The following RAB11FIP4 variants were observed in gnomAD, a reference collection of about 807,000 sequenced individuals.
RAB11FIP4 encodes the protein rab11 family-interacting protein 4.
RAB11FIP4 carries 23 observed loss-of-function variants against 74.3 expected under a neutral mutation model. That is an observed-to-expected ratio of 0.31 (90% CI 0.22 to 0.44). RAB11FIP4 has a LOEUF of 0.44. Among genes scored for constraint, RAB11FIP4 ranks in the 20% least tolerant of loss-of-function variants. The pLI is 1.00. For missense variants in RAB11FIP4, 630 were observed against 863.9 expected, an observed-to-expected ratio of 0.73 and a Z score of 3.39; for synonymous variants, 360 against 359.9, an observed-to-expected ratio of 1.00 and a Z score of 0.00.
intron 3 of RAB11FIP4, among the ~76,000 whole-genome samples, chr17:31,478,571 G>A (rs907766789): frequency 1.3e-5 from 2 of 152,210 alleles, no homozygotes; most frequent in Admixed American, 1.3e-4. Flanking sequence ...TGCTATCAGA[G>A]TGGGATGGGG....
At position 31,508,297 on chromosome 17, in the gene RAB11FIP4, G is replaced by A. The variant is rs577372109; in HGVS notation, c.337-9354G>A. ...GTCTGGTCTGCATCCTAATGGGCTT[G>A]AAAACCAGATCTTACTGGCTTTTCC... On this transcript the variant is annotated intron_variant, in intron 3 of 14. Coordinates refer to ENST00000621161, the MANE Select transcript of RAB11FIP4 (RefSeq NM_032932.6). Among the ~76,000 whole-genome samples the A allele has an allele frequency of 2.0e-5, 3 of 152,296 alleles. No homozygotes were observed. In the South Asian group the frequency reaches 6.2e-4, roughly 32 times the overall value.
At position 31,434,039 on chromosome 17, in the gene RAB11FIP4, G is replaced by C; in HGVS notation, c.253G>C (p.Glu85Gln). 1 of 1,582,568 alleles carries C rather than the reference G, an allele frequency of 6.3e-7. No homozygotes were observed. Among genetic ancestry groups the C allele is most frequent in the Non-Finnish European group, 8.5e-7 (1 of 1,172,798 alleles). Residue 85 changes from glutamate to glutamine, a missense_variant, in exon 3 of 15, where the codon GAG becomes CAG. Coordinates refer to ENST00000621161, the MANE Select transcript of RAB11FIP4 (RefSeq NM_032932.6). The part of the protein sequence containing the change: ...CRGVFAMKGC[E>Q]ELLKDVLSVE... ...GTGTCTGCCTGTCTGCGCAGGGTGCGAGGAGCTGCTGAAGGATGTGCTGTC... is the reference window on the plus strand; with the variant it reads ...GTGTCTGCCTGTCTGCGCAGGGTGCCAGGAGCTGCTGAAGGATGTGCTGTC...
Position 31,536,929 on chromosome 17 carries a change from C to G in RAB11FIP4, c.*5197C>G, listed in dbSNP as rs1362686380. ...GGTTTCCCATATGACCTCCCTGCCCCGACCTCGTAGGTTGCTCCTTTCCCC... is the reference window on the plus strand; with the variant it reads ...GGTTTCCCATATGACCTCCCTGCCCGGACCTCGTAGGTTGCTCCTTTCCCC... On this transcript the variant is annotated 3_prime_UTR_variant, in exon 15 of 15. Transcript: ENST00000621161. 7 of 398,908 alleles carry G rather than the reference C, an allele frequency of 1.8e-5. No homozygotes were observed. The highest frequency in any genetic ancestry group is 3.1e-5 in the Non-Finnish European group (7 of 226,126). 24.7% of individuals were successfully genotyped at this position (398,908 alleles called of 1,614,324 possible).
chr17:31,470,193 C>A (rs12453770), intron 3 of RAB11FIP4, among the ~76,000 whole-genome samples: 29,759 of 152,142 alleles, frequency 0.2, 3,285 homozygotes, highest in African/African-American at 0.29. Context: ...GTGGTTGTGA[C>A]CTCCCTGGGG....
intron 3 of RAB11FIP4, among the ~76,000 whole-genome samples, chr17:31,511,774 G>A (rs998533421): frequency 2.0e-5 from 3 of 152,234 alleles, no homozygotes; most frequent in African/African-American, 7.2e-5. Flanking sequence ...TCTGAGGCTG[G>A]GACGGCCCCC....
At chr17:31,521,886 G>A in intron 5 of RAB11FIP4, 29 bp from the exon 6 acceptor site, 2 of 1,613,740 alleles carry the variant, frequency 1.2e-6, no homozygotes, top group Non-Finnish European at 1.7e-6. Context: ...CAGCAGTTAA[G>A]GTGGTGATTC....
intron 1 of RAB11FIP4, among the ~76,000 whole-genome samples, chr17:31,408,073 C>T (rs979203437): frequency 6.6e-6 from 1 of 152,058 alleles, no homozygotes; most frequent in Non-Finnish European, 1.5e-5. Flanking sequence ...GGCTCCTTAC[C>T]TCCCCAGCCT....
At chr17:31,392,049 CAGCCCAG>C in intron 1 of RAB11FIP4, 38 bp downstream of exon 1, 1 of 1,225,510 alleles carries the variant, frequency 8.2e-7, no homozygotes, top group Non-Finnish European at 1.0e-6. Context: ...CCGGGGACCC[CAGCCCAG>C]CCCCGCCGCC....
At chr17:31,445,046 T>G (rs1481118007) in intron 3 of RAB11FIP4, among the ~76,000 whole-genome samples, 1 of 152,134 alleles carries the variant, frequency 6.6e-6, no homozygotes, top group Non-Finnish European at 1.5e-5. Context: ...TGGTGCTTCA[T>G]GTGTCAGAGG....
At position 31,520,395 on chromosome 17, in the gene RAB11FIP4, C is replaced by T. The variant is rs939653587; in HGVS notation, c.564-771C>T. Among the ~76,000 whole-genome samples the T allele has an allele frequency of 4.6e-5, 7 of 152,002 alleles. No individual in the cohort carries two copies. In the South Asian group the frequency reaches 6.2e-4, roughly 14 times the overall value. On this transcript the variant is annotated intron_variant, in intron 4 of 14. Transcript: ENST00000621161. ...TTTATATTCATTTTCTGTATTACTC[C>T]GAATGTTTTTTTTTCCTCTCCTTAA...
intron 3 of RAB11FIP4, among the ~76,000 whole-genome samples, chr17:31,460,088 C>G (rs1220247090): frequency 6.6e-6 from 1 of 152,140 alleles, no homozygotes; most frequent in Non-Finnish European, 1.5e-5. Context: ...TGCTAAAAAG[C>G]CTGGCTGGAA....
chr17:31,445,349 A>G (rs1324814095), intron 3 of RAB11FIP4, among the ~76,000 whole-genome samples: 1 of 107,246 alleles, frequency 9.3e-6, no homozygotes, highest in Non-Finnish European at 2.2e-5. Context: ...GTGCATACAT[A>G]CTACTTTTTT....
chr17:31,445,835 C>T (rs900700918), intron 3 of RAB11FIP4, among the ~76,000 whole-genome samples: 7 of 151,278 alleles, frequency 4.6e-5, no homozygotes, highest in Non-Finnish European at 8.8e-5. Flanking sequence ...GTGATCCACC[C>T]ACCTCGGCCT....
intron 3 of RAB11FIP4, among the ~76,000 whole-genome samples, chr17:31,491,577 T>C (rs192655068): frequency 6.6e-6 from 1 of 151,956 alleles, no homozygotes; most frequent in Admixed American, 6.6e-5. Context: ...GGCCCTGAGG[T>C]GGGACGGTGG....
At chr17:31,393,068 G>A (rs771167508) in intron 1 of RAB11FIP4, among the ~76,000 whole-genome samples, 2 of 152,254 alleles carry the variant, frequency 1.3e-5, no homozygotes, top group Non-Finnish European at 2.9e-5. Flanking sequence ...TCACCAGAGA[G>A]TGGGAGGCGA....
At chr17:31,458,158 T>C (rs546457277) in intron 3 of RAB11FIP4, among the ~76,000 whole-genome samples, 1 of 152,160 alleles carries the variant, frequency 6.6e-6, no homozygotes, top group Non-Finnish European at 1.5e-5. Context: ...AGGGCCAGGA[T>C]TTTTAGCTGC....
rs1357224801 is a variant in RAB11FIP4 at position 31,487,724 on chromosome 17, A to C, written c.337-29927A>C. Among the ~76,000 whole-genome samples, 13 of 152,012 alleles carry C rather than the reference A, an allele frequency of 8.6e-5. 1 individual carries two copies. Among genetic ancestry groups the C allele is most frequent in the Admixed American group, 8.5e-4 (13 of 15,280 alleles). Reference sequence around the variant, plus strand: ...CAAAAAACCGTGAGGGTGGCGCAGAACGGGCAAGAGACTACAGCGCCTACC... The same window carrying C: ...CAAAAAACCGTGAGGGTGGCGCAGACCGGGCAAGAGACTACAGCGCCTACC... On this transcript the variant is annotated intron_variant, in intron 3 of 14. Transcript: ENST00000621161.
At chr17:31,506,022 T>C (rs943423356) in intron 3 of RAB11FIP4, among the ~76,000 whole-genome samples, 2 of 151,754 alleles carry the variant, frequency 1.3e-5, no homozygotes, top group East Asian at 3.9e-4. Context: ...CTGAGAGAGG[T>C]GAATTAACAG....
chr17:31,395,659 C>T (rs1317642651), intron 1 of RAB11FIP4, among the ~76,000 whole-genome samples: 1 of 152,060 alleles, frequency 6.6e-6, no homozygotes, highest in East Asian at 1.9e-4. Flanking sequence ...CAAGGTCATC[C>T]AAAACAAGGA....
Sources: allele counts gnomAD v4.1 joint callset (sites outside exome capture counted in the v4.1 genomes callset), GRCh38; gene constraint gnomAD v4.1.1; transcripts MANE v1.5; gene names NCBI Gene and HGNC (gene_info 2026-07-23, HGNC 2026-07-21).